CLTCL1: variants seen among roughly 807,000 people sequenced by gnomAD.
CLTCL1 encodes clathrin heavy chain like 1.
CLTCL1 carries 159 observed loss-of-function variants against 190.0 expected under a neutral mutation model. That is an observed-to-expected ratio of 0.84 (90% CI 0.74 to 0.95). CLTCL1 has a LOEUF of 0.95. Ranked by LOEUF, CLTCL1 falls within the 40% of genes least tolerant of loss-of-function variation. The probability of loss-of-function intolerance (pLI) is 0.00; values close to 1 mark genes in which losing one functional copy is unlikely to be tolerated. For synonymous variants in CLTCL1, 752 were observed against 769.6 expected (o/e 0.98, Z 0.38); for missense variants, 1,878 against 2,033.4 (o/e 0.92, Z 1.47).
chr22:19,220,234 A>ATG (rs2085525556), intron 17 of CLTCL1, among the ~76,000 whole-genome samples: 2 of 152,164 alleles, frequency 1.3e-5, no homozygotes, highest in Non-Finnish European at 1.5e-5. Flanking sequence ...ACTCCCAGGG[A>ATG]TGTGCCACAT....
At chr22:19,228,849 C>T (rs531194832) in intron 11 of CLTCL1, among the ~76,000 whole-genome samples, 5 of 152,246 alleles carry the variant, frequency 3.3e-5, no homozygotes, top group Admixed American at 3.3e-4. Flanking sequence ...AAGTTTCAGG[C>T]CAACAAATGA....
chr22:19,196,846 C>G (rs1555936188), intron 24 of CLTCL1, among the ~76,000 whole-genome samples, 190 bp from the exon 25 acceptor site: 3 of 152,232 alleles, frequency 2.0e-5, no homozygotes, highest in South Asian at 2.1e-4. Flanking sequence ...ATTGGATCAT[C>G]TGACAATTAC....
intron 19 of CLTCL1, among the ~76,000 whole-genome samples, chr22:19,214,568 T>C (rs782566207): frequency 1.3e-5 from 2 of 152,208 alleles, no homozygotes; most frequent in Admixed American, 1.3e-4. Flanking sequence ...TACAGTCTTA[T>C]TGGTTTTTCA....
intron 20 of CLTCL1, 137 bp downstream of exon 20, chr22:19,210,189 G>A (rs2085173636): frequency 1.3e-6 from 1 of 757,938 alleles, no homozygotes; most frequent in Non-Finnish European, 2.0e-6. Flanking sequence ...TTGCTGGTGA[G>A]GAACAGAGAA....
In CLTCL1 at chr22:19,278,899, G is replaced by A. The variant is rs5748096; in HGVS notation, c.43-3069C>T. Among the ~76,000 whole-genome samples the A allele has an allele frequency of 8.0e-3, 1,224 of 152,062 alleles. 17 individuals are homozygous for A. Among genetic ancestry groups the A allele is most frequent in the South Asian group, 0.05 (242 of 4,814 alleles). ...TGGGATTACAGGCACTCACCACCACGCCCAGCTATTTTTTGTATTTTTAGT... is the reference window on the plus strand; with the variant it reads ...TGGGATTACAGGCACTCACCACCACACCCAGCTATTTTTTGTATTTTTAGT... On this transcript the variant is annotated intron_variant, in intron 1 of 32. Transcript: ENST00000427926.
chr22:19,225,132 T>G (rs807460), intron 13 of CLTCL1, among the ~76,000 whole-genome samples: 8,986 of 152,250 alleles, frequency 0.059, 330 homozygotes, highest in Middle Eastern at 0.16. Context: ...ATCAGGCCCT[T>G]TCACTGTACC....
intron 3 of CLTCL1, among the ~76,000 whole-genome samples, chr22:19,253,300 G>A (rs113584487): frequency 7.2e-5 from 11 of 152,104 alleles, no homozygotes; most frequent in East Asian, 3.9e-4. Flanking sequence ...TGGTGTGTGC[G>A]GGCAGTGTGT....
chr22:19,269,664 C>T (rs2087240262), intron 2 of CLTCL1, among the ~76,000 whole-genome samples: 1 of 152,108 alleles, frequency 6.6e-6, no homozygotes, highest in South Asian at 2.1e-4. Flanking sequence ...CCATCATCCT[C>T]AGCAAACTAA....
chr22:19,261,130 G>A (rs144224315), intron 2 of CLTCL1, among the ~76,000 whole-genome samples: 1,423 of 125,768 alleles, frequency 0.011, 36 homozygotes, highest in East Asian at 0.078. Context: ...TTTTTTTTTT[G>A]AGACGGAGTC....
chr22:19,199,692 A>C, intron 24 of CLTCL1, 42 bp downstream of exon 24: 2 of 1,478,954 alleles, frequency 1.4e-6, no homozygotes, highest in Non-Finnish European at 1.8e-6. Flanking sequence ...GTGTTTAGGC[A>C]TCACTTGTCA....
At chr22:19,229,741 A>G in intron 11 of CLTCL1, 97 bp downstream of exon 11, 3 of 1,232,792 alleles carry the variant, frequency 2.4e-6, no homozygotes, top group Non-Finnish European at 3.2e-6. Flanking sequence ...ATCTGGCACA[A>G]GCCCAGCCCA....
rs2085582140 is a variant in CLTCL1, at chr22:19,221,873, T to C, written c.2561+78A>G. 2.6e-6 allele frequency: 4 copies of C among 1,510,524 alleles called. No homozygotes were observed. In the African/African-American group the frequency reaches 4.1e-5, roughly 16 times the overall value. 93.6% of individuals were successfully genotyped at this position (1,510,524 alleles called of 1,614,324 possible). A position where few individuals can be genotyped will look rare whatever the true frequency, so the allele number is the denominator to read the frequency against. The stretch of plus-strand genomic sequence containing the variant: ...CATGAACGACCAGCTATAGAGACAG[T>C]CCTGGAGAATTAGACAGAAACAACA... On this transcript the variant is annotated intron_variant, in intron 16 of 32. Coordinates refer to ENST00000427926, the MANE Select transcript of CLTCL1 (RefSeq NM_007098.4).
At chr22:19,212,659 G>GA (rs375189655) in intron 19 of CLTCL1, among the ~76,000 whole-genome samples, 8,875 of 149,728 alleles carry the variant, frequency 0.059, 327 homozygotes, top group Middle Eastern at 0.16. Context: ...AAGAAAGAAA[G>GA]AAAGAAAAGA....
At chr22:19,232,447 A>G in intron 10 of CLTCL1, 29 bp downstream of exon 10, 3 of 1,613,542 alleles carry the variant, frequency 1.9e-6, no homozygotes, top group Non-Finnish European at 2.5e-6. Context: ...AAAAGCCACA[A>G]AAAGTTGTCC....
At chr22:19,260,915 C>T (rs1555975231) in intron 2 of CLTCL1, among the ~76,000 whole-genome samples, 1 of 149,916 alleles carries the variant, frequency 6.7e-6, no homozygotes, top group East Asian at 2.0e-4. Context: ...ACTCACTGTT[C>T]AGATCTACTG....
Position 19,196,424 on chromosome 22 carries a change from G to A in CLTCL1, c.4042-9C>T. ...TCTGCAGCCCTCAGCACCTGGACAA[G>A]GAGGTCAGGGTCGGCTTGTGCTGCA... On this transcript the variant is annotated splice_polypyrimidine_tract_variant and intron_variant, in intron 25 of 32. Transcript: ENST00000427926. The A allele has an allele frequency of 1.2e-6, 2 of 1,613,976 alleles. No individual in the cohort carries two copies. Among genetic ancestry groups the A allele is most frequent in the Non-Finnish European group, 1.7e-6 (2 of 1,179,802 alleles).
intron 1 of CLTCL1, among the ~76,000 whole-genome samples, chr22:19,276,421 C>T (rs1375891745): frequency 2.0e-5 from 3 of 152,156 alleles, no homozygotes; most frequent in African/African-American, 7.2e-5. Flanking sequence ...GCAGGTTTGG[C>T]ACATCTTCCA....
In CLTCL1 at chr22:19,179,829, G is replaced by A. The variant is rs928607920; in HGVS notation, c.*161C>T. 7.6e-5 allele frequency: 22 copies of A among 287,954 alleles called. No homozygotes were observed. The highest frequency in any genetic ancestry group is 1.3e-4 in the Non-Finnish European group (20 of 150,598). 17.8% of individuals were successfully genotyped at this position (287,954 alleles called of 1,614,324 possible). On this transcript the variant is annotated 3_prime_UTR_variant, in exon 33 of 33. Coordinates refer to ENST00000427926, the MANE Select transcript of CLTCL1 (RefSeq NM_007098.4). ...GTGCTGCTGGAGTGACATGCTCCTT[G>A]GAGAAGTTAGTAACTCTGCAGGTAG... is the stretch of plus-strand genomic sequence containing the variant.
intron 22 of CLTCL1, among the ~76,000 whole-genome samples, chr22:19,203,114 A>G (rs782097388): frequency 8.5e-5 from 13 of 152,200 alleles, no homozygotes; most frequent in Non-Finnish European, 1.6e-4. Context: ...CAGGAGTTTG[A>G]GACCAGCCTG....
Sources: gnomAD v4.1 joint callset for allele counts (sites outside exome capture counted in the v4.1 genomes callset) on GRCh38, gnomAD v4.1.1 for gene constraint, MANE v1.5 for transcripts, NCBI Gene and HGNC (gene_info 2026-07-23, HGNC 2026-07-21) for gene names.